Variants in SPOP observed in about 807,000 individuals in gnomAD.
SPOP encodes speckle type BTB/POZ protein.
In SPOP, 11 loss-of-function variants were observed where a neutral mutation model predicts 45.6. The observed-to-expected ratio is 0.24, with a 90% CI of 0.15 to 0.40. The LOEUF (loss-of-function observed/expected upper bound fraction) is 0.40, where lower values mean the gene tolerates loss of function less well. Among genes scored for constraint, SPOP ranks in the 10% least tolerant of loss-of-function variants. The pLI is 1.00. For synonymous variants in SPOP, 166 were observed against 166.3 expected (o/e 1.00, Z 0.01); for missense variants, 152 against 465.6 (o/e 0.33, Z 6.20).
intron 1 of SPOP, among the ~76,000 whole-genome samples, chr17:49,663,250 C>A (rs974823340): frequency 2.0e-5 from 3 of 152,170 alleles, no homozygotes; most frequent in African/African-American, 7.2e-5. Context: ...CTGTGAAATG[C>A]AAATGGGAGG....
chr17:49,670,290 G>C (rs554288257), intron 1 of SPOP, among the ~76,000 whole-genome samples: 1 of 152,292 alleles, frequency 6.6e-6, no homozygotes, highest in African/African-American at 2.4e-5. Flanking sequence ...CAGCTACTAG[G>C]TCTTATTGGC....
At chr17:49,665,695 C>CACACACACACACACACACACACACA (rs55985992) in intron 1 of SPOP, among the ~76,000 whole-genome samples, 1 of 143,008 alleles carries the variant, frequency 7.0e-6, no homozygotes, top group Non-Finnish European at 1.5e-5. Context: ...CACACACACA[C>CACACACACACACACACACACACACA]CAATCTGGCC....
intron 1 of SPOP, among the ~76,000 whole-genome samples, chr17:49,656,104 G>A (rs1597972948): frequency 6.6e-6 from 1 of 152,170 alleles, no homozygotes; most frequent in East Asian, 1.9e-4. Flanking sequence ...GAGCCACCGT[G>A]CCCAGCCAGG....
chr17:49,672,162 C>G (rs1449804253), intron 1 of SPOP, among the ~76,000 whole-genome samples: 1 of 152,040 alleles, frequency 6.6e-6, no homozygotes, highest in East Asian at 1.9e-4. Flanking sequence ...ATAATTTATT[C>G]CTAACCGATG....
At chr17:49,612,270 A>G (rs1289927112) in intron 5 of SPOP, among the ~76,000 whole-genome samples, 3 of 152,224 alleles carry the variant, frequency 2.0e-5, no homozygotes, top group African/African-American at 4.8e-5. Flanking sequence ...AGCCTGGTAA[A>G]TAACTGGCAC....
rs937952723 is a variant in SPOP, at chr17:49,653,096, AT to A, written c.-67+24836del. 3.4e-4 allele frequency among the ~76,000 whole-genome samples: 51 copies of A among 151,972 alleles called. No individual in the cohort carries two copies. The East Asian group carries it at 5.2e-3, about 16-fold the overall frequency. On this transcript the variant is annotated intron_variant, in intron 1 of 9. Transcript: ENST00000504102. Reference sequence around the variant, plus strand: ...TACTTTCCTGAATCTGAATTTCCTCATTTTTTTTCCCCCTCATCTTTAATTG... The same window carrying A: ...TACTTTCCTGAATCTGAATTTCCTCATTTTTTTCCCCCTCATCTTTAATTG...
chr17:49,607,911 C>A lies in SPOP; in HGVS notation c.677G>T (p.Ser226Ile). The A allele has an allele frequency of 6.2e-7, 1 of 1,612,182 alleles. No homozygotes were observed. The highest frequency in any genetic ancestry group is 8.5e-7 in the Non-Finnish European group (1 of 1,178,862). ...CTCCATTTCATGTTCAAACATGGCACTAAAAACCGGAGAACGAGCTACAAA... is the reference window on the plus strand; with the variant it reads ...CTCCATTTCATGTTCAAACATGGCAATAAAAACCGGAGAACGAGCTACAAA... ...AILAARSPVF[S>I]AMFEHEMEES... is the part of the protein sequence containing the mutation. The change falls in exon 7 of 10, where the codon AGT (serine) becomes ATT (isoleucine). Residue 226 changes from serine (S) to isoleucine (I), a missense_variant. By Grantham distance (142) the Ser-to-Ile change is moderately radical. Transcript: ENST00000504102.
Position 49,650,028 on chromosome 17 carries a change from A to T in SPOP, c.-66-27152T>A, listed in dbSNP as rs556781061. On this transcript the variant is annotated intron_variant, in intron 1 of 9. Transcript: ENST00000504102. ...TGCCTCAGCCTCCCCAGTAGCTGGG[A>T]TTACAGGCATGCGCCACCATGCCCG... is the stretch of plus-strand genomic sequence containing the variant. 7.3e-5 allele frequency among the ~76,000 whole-genome samples: 11 copies of T among 151,088 alleles called. No individual in the cohort carries two copies. In the South Asian group the frequency reaches 2.3e-3, roughly 32 times the overall value.
chr17:49,602,296 C>T (rs1225911302), intron 8 of SPOP: 8 of 274,624 alleles, frequency 2.9e-5, no homozygotes, highest in African/African-American at 1.5e-4. Flanking sequence ...CTGAAGTTTA[C>T]TCTCCTCCTG....
At chr17:49,669,949 T>G (rs920895317) in intron 1 of SPOP, among the ~76,000 whole-genome samples, 1 of 152,050 alleles carries the variant, frequency 6.6e-6, no homozygotes, top group African/African-American at 2.4e-5. Flanking sequence ...TAAATAGATA[T>G]ATAGATGGGG....
chr17:49,641,688 A>G (rs187573051), intron 1 of SPOP, among the ~76,000 whole-genome samples: 12 of 152,222 alleles, frequency 7.9e-5, no homozygotes, highest in Non-Finnish European at 1.3e-4. Flanking sequence ...CAGAGTTAAG[A>G]CTTCTAAAAA....
chr17:49,645,462 A>G (rs1003680041), intron 1 of SPOP, among the ~76,000 whole-genome samples: 18 of 151,486 alleles, frequency 1.2e-4, no homozygotes, highest in Non-Finnish European at 2.5e-4. Context: ...ACCACACCCA[A>G]CTAATTTTTT....
Position 49,656,596 on chromosome 17 carries a change from T to TA in SPOP, c.-67+21336dup, listed in dbSNP as rs557804861. Among the ~76,000 whole-genome samples, 5 of 152,318 alleles carry TA rather than the reference T, an allele frequency of 3.3e-5. No homozygotes were observed. In the South Asian group the frequency reaches 1.0e-3, roughly 32 times the overall value. On this transcript the variant is annotated intron_variant, in intron 1 of 9. Transcript: ENST00000504102. ...ACCACCCCGAAAGCCAGAAATGTTC[T>TA]ACCTCCTATCTGAATACTACCCTTC... is the stretch of plus-strand genomic sequence containing the variant.
intron 1 of SPOP, among the ~76,000 whole-genome samples, chr17:49,654,328 A>G (rs539889371): frequency 6.6e-6 from 1 of 152,296 alleles, no homozygotes; most frequent in South Asian, 2.1e-4. Context: ...CAGGGACTCA[A>G]GTGATCCTCC....
rs1484679592 is a variant in SPOP, at chr17:49,599,534, A to C, written c.*844T>G. ...TTTTTTTTTGTTTGTTTTTTAGAAA[A>C]AGGGGTGGGGGAGAAGAAATAAAAT... is the stretch of plus-strand genomic sequence containing the variant. On this transcript the variant is annotated 3_prime_UTR_variant, in exon 10 of 10. Transcript: ENST00000504102. 1 of 219,022 alleles carries C rather than the reference A, an allele frequency of 4.6e-6. No homozygotes were observed. Among genetic ancestry groups the C allele is most frequent in the Non-Finnish European group, 9.1e-6 (1 of 109,434 alleles). 13.6% of individuals were successfully genotyped at this position (219,022 alleles called of 1,614,324 possible). A position where few individuals can be genotyped will look rare whatever the true frequency, so the allele number is the denominator to read the frequency against.
intron 1 of SPOP, among the ~76,000 whole-genome samples, chr17:49,632,338 G>C (rs1285557046): frequency 6.6e-6 from 1 of 152,282 alleles, no homozygotes; most frequent in South Asian, 2.1e-4. Flanking sequence ...GAAGAAAAGG[G>C]AAACGTACAG....
chr17:49,663,977 G>C (rs1046278728), intron 1 of SPOP, among the ~76,000 whole-genome samples: 1 of 152,150 alleles, frequency 6.6e-6, no homozygotes, highest in Non-Finnish European at 1.5e-5. Flanking sequence ...ATTATAAAAT[G>C]TTTAAACATT....
chr17:49,600,753 A>G lies in SPOP; in HGVS notation c.981-231T>C. 1.9e-6 allele frequency: 1 copy of G among 518,028 alleles called. No homozygotes were observed. Among genetic ancestry groups the G allele is most frequent in the Non-Finnish European group, 3.5e-6 (1 of 287,356 alleles). The allele number at this position is 518,028 out of a possible 1,614,324, so 32.1% of individuals were successfully genotyped here. On this transcript the variant is annotated intron_variant, in intron 9 of 9. Transcript: ENST00000504102. This position sits in a 1 kb window ranked among gnomAD's most constrained non-coding sequence, Gnocchi z 4.2. ...AGACTTTGAGCCACTATATTCTCAA[A>G]AACAAAAAGCAGAATGTTCCCCAGG...
At chr17:49,657,626 T>C (rs1301617976) in intron 1 of SPOP, among the ~76,000 whole-genome samples, 1 of 151,526 alleles carries the variant, frequency 6.6e-6, no homozygotes, top group East Asian at 1.9e-4. Flanking sequence ...CTTGAACTCC[T>C]GACCCTATGA....
Sources: gnomAD v4.1 joint callset for allele counts (sites outside exome capture counted in the v4.1 genomes callset) on GRCh38, gnomAD v4.1.1 for gene constraint, Gnocchi (gnomAD v3.1) non-coding constraint, MANE v1.5 for transcripts, NCBI Gene and HGNC (gene_info 2026-07-23, HGNC 2026-07-21) for gene names.